ZNF675: variants seen among roughly 807,000 people sequenced by gnomAD.
ZNF675 encodes the protein TRAF6 inhibitory zinc finger.
A neutral mutation model predicts 56.1 loss-of-function variants in ZNF675; 36 were observed. The observed-to-expected ratio is 0.64, with a 90% CI of 0.49 to 0.85. The LOEUF (loss-of-function observed/expected upper bound fraction) is 0.85, where lower values mean the gene tolerates loss of function less well. Ranked by LOEUF, ZNF675 falls within the 40% of genes least tolerant of loss-of-function variation. ZNF675 has a pLI of 0.00. For synonymous variants in ZNF675, 200 were observed against 218.9 expected (o/e 0.91, Z 0.76); for missense variants, 663 against 654.2 (o/e 1.01, Z -0.15).
intron 1 of ZNF675, among the ~76,000 whole-genome samples, chr19:23,680,005 A>C (rs1300351597): frequency 6.6e-6 from 1 of 150,828 alleles, no homozygotes; most frequent in African/African-American, 2.5e-5. Context: ...CCCAAAAAAA[A>C]ACATTAATAA....
chr19:23,669,595 C>A (rs112380572), intron 1 of ZNF675, among the ~76,000 whole-genome samples: 1 of 152,114 alleles, frequency 6.6e-6, no homozygotes, highest in South Asian at 2.1e-4. Flanking sequence ...CATAGTAGTC[C>A]GGGCGTGGTG....
chr19:23,680,327 C>A (rs1164729246), intron 1 of ZNF675, among the ~76,000 whole-genome samples: 1 of 151,574 alleles, frequency 6.6e-6, no homozygotes, highest in Admixed American at 6.6e-5. Flanking sequence ...AAAATAGGTA[C>A]ATAAACATCA....
At chr19:23,683,176 C>T (rs1304966840) in intron 1 of ZNF675, among the ~76,000 whole-genome samples, 4 of 149,758 alleles carry the variant, frequency 2.7e-5, no homozygotes, top group East Asian at 2.0e-4. Context: ...GGTAACAGAG[C>T]GAGACTCAGT....
intron 1 of ZNF675, among the ~76,000 whole-genome samples, chr19:23,679,389 G>A (rs1016949303): frequency 9.3e-5 from 14 of 151,224 alleles, no homozygotes; most frequent in African/African-American, 2.9e-4. Flanking sequence ...AAATTAACAA[G>A]ATAAATTAAA....
intron 3 of ZNF675, among the ~76,000 whole-genome samples, chr19:23,657,928 A>G (rs893035100): frequency 2.0e-5 from 3 of 152,232 alleles, no homozygotes; most frequent in African/African-American, 7.2e-5. Flanking sequence ...AAACAATTGC[A>G]AATTGTCTAA....
At chr19:23,662,968 G>A (rs1968099583) in intron 2 of ZNF675, 64 bp downstream of exon 2, 3 of 1,430,130 alleles carry the variant, frequency 2.1e-6, no homozygotes, top group East Asian at 2.7e-5. Context: ...TGGTGACAGA[G>A]CCAGACTCCG....
chr19:23,658,168 C>T (rs78422917), intron 3 of ZNF675, among the ~76,000 whole-genome samples: 14,502 of 151,742 alleles, frequency 0.096, 755 homozygotes, highest in East Asian at 0.22. Flanking sequence ...AGACCAGACT[C>T]GGCAACACGG....
Position 23,675,752 on chromosome 19 carries a change from A to G in ZNF675, c.3+11279T>C, listed in dbSNP as rs190028976. On this transcript the variant is annotated intron_variant, in intron 1 of 3. Coordinates refer to ENST00000359788, the MANE Select transcript of ZNF675 (RefSeq NM_138330.3). ...AATGCTCACATCAAAAGGTAGAAAT[A>G]TCTCAATTTAATAACCTGACATCCT... 1.6e-4 allele frequency among the ~76,000 whole-genome samples: 24 copies of G among 151,854 alleles called. No homozygotes were observed. The East Asian group carries it at 4.6e-3, about 29-fold the overall frequency.
intron 1 of ZNF675, among the ~76,000 whole-genome samples, chr19:23,664,782 C>G (rs1386960093): frequency 6.6e-6 from 1 of 151,914 alleles, no homozygotes; most frequent in African/African-American, 2.4e-5. Context: ...AAAACCCCAT[C>G]TCTACTAAAA....
At chr19:23,662,060 C>A (rs1162620156) in intron 3 of ZNF675, 54 bp downstream of exon 3, 9 of 1,305,630 alleles carry the variant, frequency 6.9e-6, no homozygotes, top group Non-Finnish European at 1.0e-5. Context: ...TTCTCTTTGA[C>A]CTTTGGACCT....
At chr19:23,667,872 G>A (rs893581231) in intron 1 of ZNF675, among the ~76,000 whole-genome samples, 14 of 150,122 alleles carry the variant, frequency 9.3e-5, no homozygotes, top group Admixed American at 2.6e-4. Context: ...GACACAGGGT[G>A]CTGATTGGTG....
intron 1 of ZNF675, among the ~76,000 whole-genome samples, chr19:23,674,028 C>A (rs2144944068): frequency 6.6e-6 from 1 of 150,800 alleles, no homozygotes; most frequent in East Asian, 2.0e-4. Flanking sequence ...CATGGTGAAA[C>A]ACTGTCTCTA....
At chr19:23,682,283 A>G (rs2144799875) in intron 1 of ZNF675, among the ~76,000 whole-genome samples, 1 of 151,554 alleles carries the variant, frequency 6.6e-6, no homozygotes, top group South Asian at 2.1e-4. Flanking sequence ...CTCTCTATTC[A>G]CCATTCTTCT....
At chr19:23,662,293 T>C (rs774049510) in intron 2 of ZNF675, 84 bp from the exon 3 acceptor site, 77 of 944,388 alleles carry the variant, frequency 8.2e-5, no homozygotes, top group Admixed American at 7.6e-4. Context: ...AAAGAGAATG[T>C]AATGGAATAG....
intron 3 of ZNF675, among the ~76,000 whole-genome samples, chr19:23,659,971 C>A (rs960364337): frequency 2.0e-5 from 3 of 151,416 alleles, no homozygotes; most frequent in Admixed American, 1.3e-4. Context: ...AAGATCCTTT[C>A]TGGTACTCGC....
At chr19:23,682,325 T>A (rs1968387496) in intron 1 of ZNF675, among the ~76,000 whole-genome samples, 1 of 151,782 alleles carries the variant, frequency 6.6e-6, no homozygotes. Flanking sequence ...TTTTCTCCCC[T>A]CTGTGGAAAA....
intron 1 of ZNF675, among the ~76,000 whole-genome samples, chr19:23,678,729 A>G (rs1968334933): frequency 6.6e-6 from 1 of 151,226 alleles, no homozygotes; most frequent in Non-Finnish European, 1.5e-5. Flanking sequence ...ACAAAAACAG[A>G]CTCAGACAAA....
Position 23,653,596 on chromosome 19 carries a change from T to G in ZNF675, c.1337A>C (p.His446Pro), listed in dbSNP as rs1967939395. The change falls in exon 4 of 4, where the codon CAT (histidine) becomes CCT (proline). Residue 446 changes from histidine to proline, a missense_variant. By Grantham distance (77) the His-to-Pro change is moderately conservative. Transcript: ENST00000359788. ...ACATTTGTAGGGTTTCTTTCCAGTA[T>G]GAAGTTTCTTATGTTCAGTAAGTTT... ...SSKLTEHKKL[H>P]TGKKPYKCEE... 1 of 1,612,786 alleles carries G rather than the reference T, an allele frequency of 6.2e-7. No individual in the cohort carries two copies. Among genetic ancestry groups the G allele is most frequent in the Non-Finnish European group, 8.5e-7 (1 of 1,179,514 alleles).
intron 3 of ZNF675, among the ~76,000 whole-genome samples, chr19:23,659,448 G>A (rs1220969518): frequency 1.3e-5 from 2 of 152,064 alleles, no homozygotes; most frequent in African/African-American, 2.4e-5. Context: ...GCTCACACCT[G>A]TAATGAAAGA....
Sources: gnomAD v4.1 joint callset for allele counts (sites outside exome capture counted in the v4.1 genomes callset) on GRCh38, gnomAD v4.1.1 for gene constraint, MANE v1.5 for transcripts, NCBI Gene and HGNC (gene_info 2026-07-23, HGNC 2026-07-21) for gene names.